INPP4A: variants seen among roughly 807,000 people sequenced by gnomAD.
INPP4A encodes the protein inositol polyphosphate-4-phosphatase, type I, 107kD.
In INPP4A, 33 loss-of-function variants were observed where a neutral mutation model predicts 119.8. That is an observed-to-expected ratio of 0.28 (90% confidence interval 0.21 to 0.37). The LOEUF (loss-of-function observed/expected upper bound fraction) is 0.37. INPP4A is among the 10% of genes least tolerant of loss of function. The pLI is 1.00. For missense variants in INPP4A, 956 were observed against 1,289.9 expected, an observed-to-expected ratio of 0.74 and a Z score of 3.97; for synonymous variants, 496 against 500.7, an observed-to-expected ratio of 0.99 and a Z score of 0.12.
At chr2:98,563,205 G>A (rs542844447) in intron 17 of INPP4A, among the ~76,000 whole-genome samples, 1 of 152,176 alleles carries the variant, frequency 6.6e-6, no homozygotes. Context: ...TTCTGTTTAG[G>A]GTCCCCAACA....
At chr2:98,555,983 C>T (rs1694423222) in intron 16 of INPP4A, 175 bp downstream of exon 16, 29 of 692,444 alleles carry the variant, frequency 4.2e-5, no homozygotes, top group South Asian at 2.8e-4. Context: ...GCGGAGTCTC[C>T]GGTTGCCTTT....
chr2:98,499,596 A>G (rs1346777999), intron 1 of INPP4A, among the ~76,000 whole-genome samples: 1 of 152,190 alleles, frequency 6.6e-6, no homozygotes, highest in Non-Finnish European at 1.5e-5. Flanking sequence ...TTCTCCCTTT[A>G]TTCTAAACCA....
chr2:98,483,177 T>G (rs545733076), intron 1 of INPP4A, among the ~76,000 whole-genome samples: 1 of 152,340 alleles, frequency 6.6e-6, no homozygotes, highest in South Asian at 2.1e-4. Flanking sequence ...CAACTCAGCT[T>G]TAGACATTTT....
At position 98,546,686 on chromosome 2, in the gene INPP4A, C is replaced by T; in HGVS notation, c.1155C>T (p.Thr385=). Residue 385 remains threonine (T), a synonymous_variant, in exon 13 of 25, where the codon ACC becomes ACT. Coordinates refer to ENST00000409851, the MANE Select transcript of INPP4A (RefSeq NM_001134225.2). The surrounding 1 kb of genome is among the most constrained non-coding windows in gnomAD (Gnocchi z 4.2). ...LRKKLHKFEE[T]KKHTSSGCQS... ...AAAAGCTGCACAAATTTGAAGAGAC[C>T]AAGAAACAGTAAGTAGCCAGAGAGG... The T allele has an allele frequency of 6.3e-7, 1 of 1,597,150 alleles. No individual in the cohort carries two copies. The highest frequency in any genetic ancestry group is 1.1e-5 in the South Asian group (1 of 90,714).
intron 7 of INPP4A, among the ~76,000 whole-genome samples, chr2:98,537,499 G>A (rs1056508948): frequency 6.6e-6 from 1 of 152,230 alleles, no homozygotes; most frequent in Non-Finnish European, 1.5e-5. Flanking sequence ...AAGGTGTTCT[G>A]TAGTCCTCAC....
chr2:98,561,372 T>G (rs1695441019), intron 17 of INPP4A, among the ~76,000 whole-genome samples: 1 of 152,212 alleles, frequency 6.6e-6, no homozygotes, highest in Admixed American at 6.5e-5. Flanking sequence ...CCCAGGTGCC[T>G]TTACTTCACT....
At chr2:98,512,818 A>G (rs926092470) in intron 1 of INPP4A, among the ~76,000 whole-genome samples, 9 of 152,136 alleles carry the variant, frequency 5.9e-5, no homozygotes, top group Non-Finnish European at 1.2e-4. Flanking sequence ...GTGGGCTTGG[A>G]GCCAGAGCCC....
intron 1 of INPP4A, among the ~76,000 whole-genome samples, chr2:98,488,201 G>C (rs955288404): frequency 1.3e-5 from 2 of 152,084 alleles, no homozygotes; most frequent in African/African-American, 2.4e-5. Flanking sequence ...AGATACTCCA[G>C]GCTCATCTTG....
intron 23 of INPP4A, among the ~76,000 whole-genome samples, chr2:98,576,744 G>C (rs1204975600): frequency 2.6e-5 from 4 of 152,226 alleles, no homozygotes; most frequent in African/African-American, 9.6e-5. Context: ...GGATGGCAGG[G>C]ATGATGGCAG....
Position 98,481,345 on chromosome 2 carries a change from C to T in INPP4A, c.-166+36260C>T, listed in dbSNP as rs889925100. Among the ~76,000 whole-genome samples, 4 of 152,238 alleles carry T rather than the reference C, an allele frequency of 2.6e-5. No individual in the cohort carries two copies. The East Asian group carries it at 5.8e-4, about 22-fold the overall frequency. On this transcript the variant is annotated intron_variant, in intron 1 of 24. Transcript: ENST00000409851. The stretch of plus-strand genomic sequence containing the variant: ...AAATTCCCTGGGGGGAAAGAAATGG[C>T]ATACATTTCCTATACCAGTGGGGGC...
chr2:98,521,930 A>G (rs1294949981), intron 4 of INPP4A, among the ~76,000 whole-genome samples: 2 of 152,144 alleles, frequency 1.3e-5, no homozygotes, highest in Non-Finnish European at 2.9e-5. Flanking sequence ...AAATAATAAT[A>G]AAAAAGAAAC....
chr2:98,575,386 G>C (rs143812218), intron 23 of INPP4A, among the ~76,000 whole-genome samples: 1 of 152,206 alleles, frequency 6.6e-6, no homozygotes, highest in Non-Finnish European at 1.5e-5. Flanking sequence ...TCCAGCTTCC[G>C]TCATGTGTTT....
At chr2:98,582,879 G>A (rs1005334051) in intron 24 of INPP4A, among the ~76,000 whole-genome samples, 4 of 140,176 alleles carry the variant, frequency 2.9e-5, no homozygotes, top group African/African-American at 8.1e-5. Context: ...CAGAAAGATC[G>A]CCTACTGCAT....
At chr2:98,496,573 T>C (rs189548512) in intron 1 of INPP4A, among the ~76,000 whole-genome samples, 1 of 152,070 alleles carries the variant, frequency 6.6e-6, no homozygotes, top group East Asian at 1.9e-4. Context: ...AACAACAAAG[T>C]GAAAAGACAA....
At chr2:98,470,749 G>T (rs143107554) in intron 1 of INPP4A, among the ~76,000 whole-genome samples, 1 of 151,932 alleles carries the variant, frequency 6.6e-6, no homozygotes, top group Non-Finnish European at 1.5e-5. Flanking sequence ...CTCACTGCAA[G>T]CTCCGCCTCC....
At chr2:98,547,153 G>T (rs1209888744) in intron 13 of INPP4A, among the ~76,000 whole-genome samples, 1 of 152,236 alleles carries the variant, frequency 6.6e-6, no homozygotes, top group African/African-American at 2.4e-5. Context: ...AGGGAGGGTG[G>T]TGAAGGGCAT....
rs963423215 is a variant in INPP4A at position 98,591,670 on chromosome 2, C to G, written c.*4062C>G. 3.9e-5 allele frequency: 6 copies of G among 152,188 alleles called. No individual in the cohort carries two copies. Among genetic ancestry groups the G allele is most frequent in the African/African-American group, 1.4e-4 (6 of 41,420 alleles). 9.4% of individuals were successfully genotyped at this position (152,188 alleles called of 1,614,324 possible). On this transcript the variant is annotated 3_prime_UTR_variant, in exon 25 of 25. Coordinates refer to ENST00000409851, the MANE Select transcript of INPP4A (RefSeq NM_001134225.2). Reference sequence around the variant, plus strand: ...CTTGGCACAATCTGGCTGCCCAGATCTAGGGGAGTTGTCCCAGGGAGGCTT... The same window carrying G: ...CTTGGCACAATCTGGCTGCCCAGATGTAGGGGAGTTGTCCCAGGGAGGCTT...
At chr2:98,470,818 C>T (rs897984708) in intron 1 of INPP4A, among the ~76,000 whole-genome samples, 4 of 152,114 alleles carry the variant, frequency 2.6e-5, no homozygotes, top group Non-Finnish European at 4.4e-5. Context: ...CAGGCACGCA[C>T]CACCACGCCC....
At position 98,522,891 on chromosome 2, in the gene INPP4A, C is replaced by T. The variant is rs147405842; in HGVS notation, c.151+2160C>T. ...TTAATTATATTTTCAACCCAGAATT[C>T]TCTGCCCAACCAGACTATCAGTCAA... On this transcript the variant is annotated intron_variant, in intron 4 of 24. Coordinates refer to ENST00000409851, the MANE Select transcript of INPP4A (RefSeq NM_001134225.2). Among the ~76,000 whole-genome samples the T allele has an allele frequency of 4.6e-3, 708 of 152,304 alleles. 4 individuals are homozygous for T. Among genetic ancestry groups the T allele is most frequent in the Non-Finnish European group, 6.6e-3 (447 of 68,030 alleles).
Sources: allele counts gnomAD v4.1 joint callset (sites outside exome capture counted in the v4.1 genomes callset), GRCh38; gene constraint gnomAD v4.1.1; non-coding constraint Gnocchi (gnomAD v3.1); transcripts MANE v1.5; gene names NCBI Gene and HGNC (gene_info 2026-07-23, HGNC 2026-07-21).